HCRTR2: variants seen among roughly 807,000 people sequenced by gnomAD.
HCRTR2 encodes orexin receptor type 2.
In HCRTR2, 22 loss-of-function variants were observed where a neutral mutation model predicts 49.0. The observed-to-expected ratio is 0.45, with a 90% CI of 0.32 to 0.64. The LOEUF is 0.64. Among genes scored for constraint, HCRTR2 ranks in the 30% least tolerant of loss-of-function variants. HCRTR2 has a pLI of 0.04. For missense variants in HCRTR2, 491 were observed against 559.4 expected (o/e 0.88, Z 1.23); for synonymous variants, 236 against 205.3 (o/e 1.15, Z -1.28).
At chr6:55,169,751 C>A (rs1354013312), upstream of HCRTR2, among the ~76,000 whole-genome samples, 1 of 152,062 alleles carries the variant, frequency 6.6e-6, no homozygotes, top group Non-Finnish European at 1.5e-5. Context: ...AAAGCAACTT[C>A]TTTCATGCTT....
intron 1 of HCRTR2, among the ~76,000 whole-genome samples, chr6:55,107,252 G>GA (rs1370635586): frequency 6.6e-6 from 1 of 151,890 alleles, no homozygotes; most frequent in East Asian, 1.9e-4. Context: ...GAGCATGCTT[G>GA]AAAAAATATT....
chr6:55,269,580 T>G (rs1766932381), intron 4 of HCRTR2, among the ~76,000 whole-genome samples: 2 of 152,098 alleles, frequency 1.3e-5, no homozygotes, highest in Admixed American at 1.3e-4. Flanking sequence ...CAAATAAAAA[T>G]TTAAAATGAA....
intron 1 of HCRTR2, among the ~76,000 whole-genome samples, chr6:55,242,537 T>C (rs1410647963): frequency 1.3e-5 from 2 of 152,218 alleles, no homozygotes; most frequent in Non-Finnish European, 2.9e-5. Flanking sequence ...ATAAAATTGA[T>C]ATATTTAGTA....
intron 1 of HCRTR2, among the ~76,000 whole-genome samples, chr6:55,153,332 T>G (rs761803488): frequency 1.3e-5 from 2 of 152,046 alleles, no homozygotes; most frequent in Non-Finnish European, 2.9e-5. Flanking sequence ...CTAGATGGTA[T>G]AGCTTACTAC....
At chr6:55,279,445 A>AGTACTCTTTATACCAGAAATGGTATAAG (rs535115443) in intron 5 of HCRTR2, among the ~76,000 whole-genome samples, 2,698 of 151,410 alleles carry the variant, frequency 0.018, 93 homozygotes, top group African/African-American at 0.061. Flanking sequence ...GTAAAACTCT[A>AGTACTCTTTATACCAGAAATGGTATAAG]GTACTCTTTA....
chr6:55,207,739 G>A (rs1765626312), intron 1 of HCRTR2, among the ~76,000 whole-genome samples: 1 of 152,104 alleles, frequency 6.6e-6, no homozygotes, highest in Admixed American at 6.6e-5. Flanking sequence ...TTCTGTCTTG[G>A]GTGGAAGGTC....
chr6:55,225,808 C>T (rs1354977762), intron 1 of HCRTR2, among the ~76,000 whole-genome samples: 1 of 152,048 alleles, frequency 6.6e-6, no homozygotes, highest in African/African-American at 2.4e-5. Flanking sequence ...GTATAATTTC[C>T]ATCAACTCCT....
upstream of HCRTR2, among the ~76,000 whole-genome samples, chr6:55,170,104 C>A (rs1222514387): frequency 6.7e-6 from 1 of 150,276 alleles, no homozygotes; most frequent in Non-Finnish European, 1.5e-5. Context: ...TTAATATATT[C>A]CAGTTAGTGA....
chr6:55,176,277 A>T (rs1028098233), intron 1 of HCRTR2, among the ~76,000 whole-genome samples: 1 of 152,144 alleles, frequency 6.6e-6, no homozygotes, highest in African/African-American at 2.4e-5. Context: ...TTATTTTTAG[A>T]CTGTTTTCCT....
intron 4 of HCRTR2, among the ~76,000 whole-genome samples, chr6:55,266,052 CA>C (rs1766854754): frequency 6.6e-6 from 1 of 152,016 alleles, no homozygotes; most frequent in South Asian, 2.1e-4. Context: ...ACTACAACAA[CA>C]AAATAAGGTG....
intron 1 of HCRTR2, among the ~76,000 whole-genome samples, chr6:55,241,644 C>A (rs1475581527): frequency 6.6e-6 from 1 of 151,988 alleles, no homozygotes; most frequent in South Asian, 2.1e-4. Flanking sequence ...ATATAAAAAT[C>A]ACAGTTGCTG....
intron 3 of HCRTR2, among the ~76,000 whole-genome samples, chr6:55,257,804 G>A (rs1011522034): frequency 2.6e-5 from 4 of 151,628 alleles, no homozygotes; most frequent in Admixed American, 1.3e-4. Flanking sequence ...CTATTTGAAG[G>A]TGATTTTATA....
At chr6:55,223,537 T>C (rs1343192654) in intron 1 of HCRTR2, among the ~76,000 whole-genome samples, 2 of 152,196 alleles carry the variant, frequency 1.3e-5, no homozygotes, top group African/African-American at 2.4e-5. Context: ...TTATTTTCGA[T>C]TGGTAGAGGG....
downstream of HCRTR2, chr6:55,282,649 G>A: frequency 1.7e-6 from 1 of 587,386 alleles, no homozygotes; most frequent in Non-Finnish European, 3.0e-6. Flanking sequence ...AAATATGTTA[G>A]AAGTTTAACC....
chr6:55,235,653 T>C (rs1405435585), intron 1 of HCRTR2, among the ~76,000 whole-genome samples: 2 of 152,114 alleles, frequency 1.3e-5, no homozygotes, highest in African/African-American at 2.4e-5. Flanking sequence ...TATGTTTGTA[T>C]ATGATGTGAT....
Position 55,122,140 on chromosome 6 carries a change from A to T in HCRTR2, c.-378+15595A>T, listed in dbSNP as rs1268793907. On this transcript the variant is annotated intron_variant, in intron 1 of 7. Coordinates refer to the HCRTR2 transcript ENST00000615358. ...CTATTAATTATTGCCTCAATTTCAGAGCCTGTTATTGGTCTATTCAGAGAT... is the reference window on the plus strand; with the variant it reads ...CTATTAATTATTGCCTCAATTTCAGTGCCTGTTATTGGTCTATTCAGAGAT... 2.0e-5 allele frequency among the ~76,000 whole-genome samples: 3 copies of T among 151,996 alleles called. No homozygotes were observed. In the East Asian group the frequency reaches 5.8e-4, roughly 29 times the overall value.
intron 1 of HCRTR2, among the ~76,000 whole-genome samples, chr6:55,116,403 T>G (rs1044251453): frequency 4.0e-5 from 6 of 151,520 alleles, no homozygotes; most frequent in Non-Finnish European, 7.4e-5. Flanking sequence ...CACTGGTTTT[T>G]AGTTTTAAAA....
chr6:55,220,021 T>C (rs1765862328), intron 1 of HCRTR2, among the ~76,000 whole-genome samples: 1 of 152,014 alleles, frequency 6.6e-6, no homozygotes, highest in Non-Finnish European at 1.5e-5. Flanking sequence ...TGAACAGATC[T>C]GTAACTAGTA....
At chr6:55,157,526 C>T (rs1164639211) in intron 1 of HCRTR2, among the ~76,000 whole-genome samples, 1 of 152,168 alleles carries the variant, frequency 6.6e-6, no homozygotes, top group Non-Finnish European at 1.5e-5. Context: ...AGCCTAGGGC[C>T]TTCAGGGAAC....
Sources: gnomAD v4.1 joint callset for allele counts (sites outside exome capture counted in the v4.1 genomes callset) on GRCh38, gnomAD v4.1.1 for gene constraint, MANE v1.5 for transcripts, NCBI Gene and HGNC (gene_info 2026-07-23, HGNC 2026-07-21) for gene names.